Variants in SERINC5 observed in about 807,000 individuals in gnomAD.
SERINC5 encodes serine incorporator 5.
Under a neutral mutation model 63.1 loss-of-function variants are expected in SERINC5, and 41 were observed. That is an observed-to-expected ratio of 0.65 (90% CI 0.51 to 0.84). SERINC5 has a LOEUF of 0.84. SERINC5 is among the 40% of genes least tolerant of loss of function. The pLI is 0.00. For missense variants in SERINC5, 523 were observed against 573.0 expected, an observed-to-expected ratio of 0.91 and a Z score of 0.89; for synonymous variants, 222 against 215.2, an observed-to-expected ratio of 1.03 and a Z score of -0.28.
Position 80,169,339 on chromosome 5 carries a change from T to C in SERINC5, c.759A>G (p.Gln253=). The C allele has an allele frequency of 1.9e-6, 3 of 1,613,510 alleles. No individual in the cohort carries two copies. Among genetic ancestry groups the C allele is most frequent in the Non-Finnish European group, 2.5e-6 (3 of 1,179,516 alleles). ...ISLVAISPWV[Q]NRQPHSGLLQ... Reference sequence around the variant, plus strand: ...AATGGAAAAAAACATGCTTACGATTTTGGACCCAGGGTGAGATGGCTACCA... The same window carrying C: ...AATGGAAAAAAACATGCTTACGATTCTGGACCCAGGGTGAGATGGCTACCA... The change falls in exon 6 of 12, where the codon CAA becomes CAG. Residue 253 remains glutamine, a synonymous_variant. Transcript: ENST00000507668.
rs140576069 is a variant in SERINC5 at position 80,196,840 on chromosome 5, C to T, written c.195+6046G>A. Among the ~76,000 whole-genome samples, 1,442 of 150,816 alleles carry T rather than the reference C, an allele frequency of 9.6e-3. 24 individuals carry two copies. Among genetic ancestry groups the T allele is most frequent in the African/African-American group, 0.032 (1,326 of 41,070 alleles). On this transcript the variant is annotated intron_variant, in intron 2 of 11. Coordinates refer to ENST00000507668, the MANE Select transcript of SERINC5 (RefSeq NM_001174072.3). ...CTGTAATCCCAGCTACTCAGGAGGC[C>T]GAGGAAGGAGAATCGCTTGAACCTG...
chr5:80,236,563 CT>C (rs1751699851), intron 1 of SERINC5, among the ~76,000 whole-genome samples: 1 of 147,854 alleles, frequency 6.8e-6, no homozygotes, highest in Non-Finnish European at 1.5e-5. Flanking sequence ...GATTCTCGCT[CT>C]GTTGTCCAGG....
chr5:80,223,202 A>T (rs78432899), intron 1 of SERINC5, among the ~76,000 whole-genome samples: 16,433 of 152,220 alleles, frequency 0.11, 1,001 homozygotes, highest in Middle Eastern at 0.14. Context: ...TTTATAAGGC[A>T]TATAGCTATC....
Position 80,143,717 on chromosome 5 carries a change from G to A in SERINC5, c.1332C>T (p.Tyr444=), listed in dbSNP as rs1745650561. 1.3e-6 allele frequency: 2 copies of A among 1,536,110 alleles called. No homozygotes were observed. The highest frequency in any genetic ancestry group is 1.7e-6 in the Non-Finnish European group (2 of 1,146,876). The part of the protein sequence containing the change: ...MASCWICVLL[Y]LCTLVAPLCC... ...AGAGGGGAGCGACCAGCGTACACAG[G>A]TACAACAGCACGCATATCCAGCAGG... Residue 444 remains tyrosine, a synonymous_variant, in exon 12 of 12, where the codon TAC becomes TAT. Coordinates refer to ENST00000507668, the MANE Select transcript of SERINC5 (RefSeq NM_001174072.3).
intron 2 of SERINC5, among the ~76,000 whole-genome samples, chr5:80,190,800 C>T (rs1363048553): frequency 6.6e-6 from 1 of 152,192 alleles, no homozygotes; most frequent in Non-Finnish European, 1.5e-5. Flanking sequence ...ACCTGTTCCC[C>T]AGTTCTAGTG....
chr5:80,130,632 T>TA (rs1259019771), intron 11 of SERINC5, among the ~76,000 whole-genome samples: 2 of 152,226 alleles, frequency 1.3e-5, no homozygotes, highest in African/African-American at 4.8e-5. Flanking sequence ...ATCCACTATC[T>TA]ACCTAAGTAT....
rs566519953 is a variant in SERINC5, at chr5:80,202,062, AC to A, written c.195+823del. Among the ~76,000 whole-genome samples, 242 of 152,196 alleles carry A rather than the reference AC, an allele frequency of 1.6e-3. 2 individuals carry two copies. The highest frequency in any genetic ancestry group is 5.6e-3 in the African/African-American group (232 of 41,512). On this transcript the variant is annotated intron_variant, in intron 2 of 11. Coordinates refer to ENST00000507668, the MANE Select transcript of SERINC5 (RefSeq NM_001174072.3). ...AGACCAGCCTGGCCAACATGGTGAA[AC>A]CCTGCCTCTACTAAAAATACAAAAA...
At chr5:80,137,660 AGCTGGGC>A (rs966901735), downstream of SERINC5, among the ~76,000 whole-genome samples, 11 of 135,382 alleles carry the variant, frequency 8.1e-5, no homozygotes, top group Non-Finnish European at 1.6e-4. Flanking sequence ...AAAAAAAGTG[AGCTGGGC>A]GCAGTGGCTC....
At chr5:80,188,078 T>C (rs1748937719) in intron 2 of SERINC5, among the ~76,000 whole-genome samples, 1 of 151,718 alleles carries the variant, frequency 6.6e-6, no homozygotes, top group Non-Finnish European at 1.5e-5. Flanking sequence ...AGGTCAGGAG[T>C]TCGAGACCAG....
At chr5:80,131,778 T>C (rs143040202) in intron 11 of SERINC5, among the ~76,000 whole-genome samples, 4 of 152,344 alleles carry the variant, frequency 2.6e-5, no homozygotes, top group African/African-American at 9.6e-5. Flanking sequence ...TTTTGCAATG[T>C]GATCTTGTCA....
In SERINC5 at chr5:80,113,626, C is replaced by T; in HGVS notation, c.1239-1G>A. On this transcript the variant is annotated splice_acceptor_variant, in intron 11 of 12. Coordinates refer to the SERINC5 transcript ENST00000509193. LOFTEE classifies it high-confidence loss of function. ...TCATGGCAGGAGGTGAAAGGCACTT[C>T]TTACATGGCAGCAGCAAGAGAAAAA... The T allele has an allele frequency of 3.4e-6, 1 of 296,858 alleles. No homozygotes were observed. Among genetic ancestry groups the T allele is most frequent in the Non-Finnish European group, 6.9e-6 (1 of 144,790 alleles). 18.4% of individuals were successfully genotyped at this position (296,858 alleles called of 1,614,324 possible).
In SERINC5 at chr5:80,218,267, G is replaced by A. The variant is rs965859222; in HGVS notation, c.28-15214C>T. Among the ~76,000 whole-genome samples the A allele has an allele frequency of 4.6e-5, 7 of 152,152 alleles. No homozygotes were observed. The South Asian group carries it at 6.2e-4, about 14-fold the overall frequency. ...ACAAAACCGGTGTTCCTGGCTGGGC[G>A]CAGTGGCTCACGCCTGTAATCCCAG... is the stretch of plus-strand genomic sequence containing the variant. On this transcript the variant is annotated intron_variant, in intron 1 of 11. Coordinates refer to ENST00000507668, the MANE Select transcript of SERINC5 (RefSeq NM_001174072.3).
intron 2 of SERINC5, among the ~76,000 whole-genome samples, chr5:80,181,265 T>C (rs1251744705): frequency 6.6e-6 from 1 of 152,194 alleles, no homozygotes; most frequent in Non-Finnish European, 1.5e-5. Context: ...CACTCCTTTT[T>C]GAGACAGGGT....
chr5:80,220,822 G>A (rs1052178184), intron 1 of SERINC5, among the ~76,000 whole-genome samples: 13 of 152,144 alleles, frequency 8.5e-5, no homozygotes, highest in African/African-American at 3.1e-4. Context: ...TGGGAGTGGT[G>A]GTGGTAGGAG....
intron 1 of SERINC5, among the ~76,000 whole-genome samples, chr5:80,223,290 T>C (rs1433423964): frequency 6.6e-6 from 1 of 152,228 alleles, no homozygotes; most frequent in Non-Finnish European, 1.5e-5. Flanking sequence ...GTCCCTGATA[T>C]AAAATGGAAT....
At chr5:80,210,372 A>T (rs1216522529) in intron 1 of SERINC5, among the ~76,000 whole-genome samples, 1 of 152,206 alleles carries the variant, frequency 6.6e-6, no homozygotes, top group Non-Finnish European at 1.5e-5. Flanking sequence ...ATGAAGGACC[A>T]GCCCCGCAAC....
At chr5:80,218,222 G>A (rs1027237018) in intron 1 of SERINC5, among the ~76,000 whole-genome samples, 10 of 152,270 alleles carry the variant, frequency 6.6e-5, no homozygotes, top group Middle Eastern at 3.4e-3. Context: ...AGCATGTGTC[G>A]CATTAACCCT....
rs144402297 is a variant in SERINC5 at position 80,114,071 on chromosome 5, G to A, written c.1239-446C>T. 1.1e-4 allele frequency among the ~76,000 whole-genome samples: 17 copies of A among 152,032 alleles called. No individual in the cohort carries two copies. In the East Asian group the frequency reaches 2.5e-3, roughly 22 times the overall value. On this transcript the variant is annotated intron_variant, in intron 11 of 12. Coordinates refer to the SERINC5 transcript ENST00000509193. ...GCCCTAGCCCCATTTCTTCAGCACC[G>A]TCTCCATGCTAAGTTACAAGGAGTG...
intron 5 of SERINC5, among the ~76,000 whole-genome samples, chr5:80,174,369 AAATAATAATAATAAT>A (rs55865818): frequency 7.6e-6 from 1 of 131,718 alleles, no homozygotes; most frequent in Non-Finnish European, 1.6e-5. Context: ...CCCATCTCAA[AAATAATAATAATAAT>A]AATAATAATA....
Sources: allele counts gnomAD v4.1 joint callset (sites outside exome capture counted in the v4.1 genomes callset), GRCh38; gene constraint gnomAD v4.1.1; transcripts MANE v1.5; gene names NCBI Gene and HGNC (gene_info 2026-07-23, HGNC 2026-07-21).